Variants in ACOXL observed in about 807,000 individuals in gnomAD.
ACOXL encodes the protein acyl-coenzyme A oxidase-like protein.
A neutral mutation model predicts 71.9 loss-of-function variants in ACOXL; 70 were observed. The observed-to-expected ratio is 0.97, with a 90% CI of 0.80 to 1.19. ACOXL has a LOEUF of 1.19. Among genes scored for constraint, ACOXL ranks in the 50% most tolerant of loss-of-function variants. ACOXL has a pLI of 0.00. For missense variants in ACOXL, 703 were observed against 736.3 expected, an observed-to-expected ratio of 0.95 and a Z score of 0.52; for synonymous variants, 253 against 281.6, an observed-to-expected ratio of 0.90 and a Z score of 1.02.
Position 111,091,409 on chromosome 2 carries a change from C to G in ACOXL, c.1441-1456C>G, listed in dbSNP as rs559294145. ...TCTAAGAACTCTTATACTTCTAGAG[C>G]TCTGGATTTCTTGTCACTGATCTTA... On this transcript the variant is annotated intron_variant, in intron 16 of 17. Transcript: ENST00000439055. Among the ~76,000 whole-genome samples the G allele has an allele frequency of 2.1e-3, 322 of 152,286 alleles. 3 individuals are homozygous for G. The highest frequency in any genetic ancestry group is 4.2e-3 in the Non-Finnish European group (284 of 68,034).
chr2:110,773,399 C>T (rs1682219513), intron 2 of ACOXL, among the ~76,000 whole-genome samples: 1 of 152,108 alleles, frequency 6.6e-6, no homozygotes. Flanking sequence ...ACATTTAAGC[C>T]CTGAGTGTGT....
intron 14 of ACOXL, among the ~76,000 whole-genome samples, chr2:111,002,258 AT>A (rs5833382): frequency 0.36 from 54,869 of 151,928 alleles, 10,582 homozygotes; most frequent in African/African-American, 0.49. Context: ...TGAGATGATA[AT>A]TTTTTTTATT....
chr2:110,922,677 C>T (rs2170725), intron 11 of ACOXL, among the ~76,000 whole-genome samples: 3,278 of 152,230 alleles, frequency 0.022, 140 homozygotes, highest in African/African-American at 0.076. Context: ...GTTACACTGT[C>T]AATGAAAATT....
At chr2:111,013,872 A>G (rs2064299067) in intron 14 of ACOXL, among the ~76,000 whole-genome samples, 1 of 152,152 alleles carries the variant, frequency 6.6e-6, no homozygotes, top group Non-Finnish European at 1.5e-5. Flanking sequence ...TATAGGTGAA[A>G]ATACATAATA....
intron 11 of ACOXL, among the ~76,000 whole-genome samples, chr2:110,916,431 A>C (rs1266534756): frequency 1.3e-5 from 2 of 152,202 alleles, no homozygotes; most frequent in Non-Finnish European, 2.9e-5. Context: ...GGAAATTTAT[A>C]GCACTAAATG....
chr2:110,775,702 C>T (rs1682549013), intron 2 of ACOXL, among the ~76,000 whole-genome samples: 2 of 152,154 alleles, frequency 1.3e-5, no homozygotes, highest in African/African-American at 4.8e-5. Flanking sequence ...TACCACCTTA[C>T]ACCCATTAGG....
intron 1 of ACOXL, among the ~76,000 whole-genome samples, chr2:110,766,070 T>A (rs1681021804): frequency 6.6e-6 from 1 of 152,212 alleles, no homozygotes; most frequent in South Asian, 2.1e-4. Flanking sequence ...TTATGATTAC[T>A]TATTGAAGCA....
At chr2:110,956,524 G>T (rs535065244) in intron 12 of ACOXL, among the ~76,000 whole-genome samples, 1 of 152,088 alleles carries the variant, frequency 6.6e-6, no homozygotes, top group Non-Finnish European at 1.5e-5. Context: ...CAGCTGTCAC[G>T]GGACAGGTTG....
At chr2:111,075,305 C>T (rs905783005) in intron 16 of ACOXL, among the ~76,000 whole-genome samples, 6 of 152,000 alleles carry the variant, frequency 3.9e-5, no homozygotes, top group Admixed American at 6.5e-5. Context: ...TATTTCATTT[C>T]GTATGATCCT....
intron 12 of ACOXL, among the ~76,000 whole-genome samples, chr2:110,950,755 T>G (rs2149405670): frequency 6.6e-6 from 1 of 151,080 alleles, no homozygotes; most frequent in South Asian, 2.1e-4. Flanking sequence ...AGATCAATTA[T>G]AAACTTTCTC....
chr2:110,745,018 G>A (rs1678023404), intron 1 of ACOXL, among the ~76,000 whole-genome samples: 1 of 152,218 alleles, frequency 6.6e-6, no homozygotes, highest in Non-Finnish European at 1.5e-5. Flanking sequence ...GTTCCCTGAG[G>A]TAGCAACTGC....
chr2:110,774,193 C>T (rs1226681289), intron 2 of ACOXL, among the ~76,000 whole-genome samples: 2 of 152,074 alleles, frequency 1.3e-5, no homozygotes, highest in African/African-American at 4.8e-5. Flanking sequence ...TATTGAGCAC[C>T]TACAGTGAGC....
intron 17 of ACOXL, chr2:111,093,367 G>T: frequency 7.7e-7 from 1 of 1,298,224 alleles, no homozygotes; most frequent in Non-Finnish European, 1.1e-6. Context: ...CAATAGCTAC[G>T]GAGCACCTGA....
intron 10 of ACOXL, among the ~76,000 whole-genome samples, chr2:110,856,065 T>C (rs1693202104): frequency 1.3e-5 from 2 of 152,322 alleles, no homozygotes; most frequent in Admixed American, 1.3e-4. Context: ...GAGCGTTGAT[T>C]GGCGCATTTT....
At chr2:110,776,183 C>T (rs760718317) in intron 2 of ACOXL, among the ~76,000 whole-genome samples, 27 of 152,212 alleles carry the variant, frequency 1.8e-4, no homozygotes, top group African/African-American at 5.1e-4. Context: ...AAGATAAATA[C>T]GGTACACTGT....
chr2:111,023,693 A>G (rs1312198097), intron 14 of ACOXL, among the ~76,000 whole-genome samples: 1 of 152,108 alleles, frequency 6.6e-6, no homozygotes, highest in Non-Finnish European at 1.5e-5. Flanking sequence ...GCGTGGCTGG[A>G]GGGCAGAGTG....
chr2:110,884,572 G>T (rs1365534958), intron 10 of ACOXL, among the ~76,000 whole-genome samples: 1 of 152,130 alleles, frequency 6.6e-6, no homozygotes, highest in Non-Finnish European at 1.5e-5. Context: ...CAGAAGAGTA[G>T]GTACTGCATG....
chr2:110,756,092 T>C (rs1275204587), intron 1 of ACOXL, among the ~76,000 whole-genome samples: 2 of 152,212 alleles, frequency 1.3e-5, no homozygotes, highest in Non-Finnish European at 1.5e-5. Flanking sequence ...GTGTTAATAG[T>C]TGAGAGCTGT....
Position 110,776,751 on chromosome 2 carries a change from C to T in ACOXL, c.76-7981C>T, listed in dbSNP as rs74796072. On this transcript the variant is annotated intron_variant, in intron 2 of 17. Transcript: ENST00000439055. ...GCCTTATGAGGCATTTGATTTTCTT[C>T]AGACCGGATAAAATGGGAGGACTTG... Among the ~76,000 whole-genome samples, 530 of 152,100 alleles carry T rather than the reference C, an allele frequency of 3.5e-3. 3 individuals are homozygous for T. The highest frequency in any genetic ancestry group is 6.2e-3 in the Non-Finnish European group (424 of 67,994).
Sources: gnomAD v4.1 joint callset for allele counts (sites outside exome capture counted in the v4.1 genomes callset) on GRCh38, gnomAD v4.1.1 for gene constraint, MANE v1.5 for transcripts, NCBI Gene and HGNC (gene_info 2026-07-23, HGNC 2026-07-21) for gene names.